SFMBT2: variants seen among roughly 807,000 people sequenced by gnomAD.
SFMBT2 encodes Scm like with four mbt domains 2.
A neutral mutation model predicts 110.1 loss-of-function variants in SFMBT2; 38 were observed. The observed-to-expected ratio is 0.35, with a 90% CI of 0.27 to 0.45. SFMBT2 has a LOEUF of 0.45. SFMBT2 is among the 20% of genes least tolerant of loss of function. The pLI is 1.00. For missense variants in SFMBT2, 1,011 were observed against 1,094.9 expected (o/e 0.92, Z 1.08); for synonymous variants, 425 against 425.4 (o/e 1.00, Z 0.01).
At chr10:7,297,789 A>G (rs1437036046) in intron 4 of SFMBT2, among the ~76,000 whole-genome samples, 1 of 152,236 alleles carries the variant, frequency 6.6e-6, no homozygotes, top group Non-Finnish European at 1.5e-5. Flanking sequence ...ATAAATTTTC[A>G]CTTCACGACG....
chr10:7,187,090 T>C (rs1168352857), intron 16 of SFMBT2, among the ~76,000 whole-genome samples: 2 of 152,244 alleles, frequency 1.3e-5, no homozygotes, highest in African/African-American at 2.4e-5. Context: ...TGAAAACTAG[T>C]GCAAACACTT....
At chr10:7,272,641 G>A (rs1442886060) in intron 7 of SFMBT2, among the ~76,000 whole-genome samples, 1 of 152,136 alleles carries the variant, frequency 6.6e-6, no homozygotes, top group Admixed American at 6.6e-5. Context: ...GTGGCTCCTG[G>A]AACGCTGGCA....
At chr10:7,411,357 A>C (rs896566831), upstream of SFMBT2, 2 of 151,992 alleles carry the variant, frequency 1.3e-5, no homozygotes, top group Non-Finnish European at 2.9e-5. Flanking sequence ...GATCTGCAGA[A>C]AGTTCCCATC....
intron 4 of SFMBT2, among the ~76,000 whole-genome samples, chr10:7,361,002 A>T (rs975542979): frequency 6.6e-6 from 1 of 152,222 alleles, no homozygotes; most frequent in African/African-American, 2.4e-5. Context: ...TTAATAAAAT[A>T]TCTAACTATG....
At chr10:7,280,423 A>G (rs1841917679) in intron 6 of SFMBT2, among the ~76,000 whole-genome samples, 1 of 152,226 alleles carries the variant, frequency 6.6e-6, no homozygotes, top group South Asian at 2.1e-4. Flanking sequence ...TTTGAAGGAA[A>G]AAAACAAGGG....
intron 4 of SFMBT2, among the ~76,000 whole-genome samples, chr10:7,286,604 T>G (rs750053735): frequency 2.0e-5 from 3 of 152,224 alleles, no homozygotes; most frequent in Non-Finnish European, 4.4e-5. Flanking sequence ...ATGTAACAAC[T>G]ATTTACATAG....
chr10:7,208,116 A>G (rs117049908), intron 11 of SFMBT2, among the ~76,000 whole-genome samples: 1,842 of 152,310 alleles, frequency 0.012, 25 homozygotes, highest in Non-Finnish European at 0.017. Context: ...AACAAGAAAG[A>G]ATATGTTCAA....
At chr10:7,359,834 T>C (rs1815091992) in intron 4 of SFMBT2, among the ~76,000 whole-genome samples, 2 of 152,218 alleles carry the variant, frequency 1.3e-5, no homozygotes, top group Admixed American at 6.5e-5. Context: ...ATATTCAGTC[T>C]GACCATTTTA....
At chr10:7,184,621 C>T (rs1838341669) in intron 16 of SFMBT2, among the ~76,000 whole-genome samples, 1 of 152,028 alleles carries the variant, frequency 6.6e-6, no homozygotes, top group African/African-American at 2.4e-5. Flanking sequence ...AAAAAGCCAA[C>T]ACTGGTGTAA....
At chr10:7,303,685 A>G (rs1440079947) in intron 4 of SFMBT2, among the ~76,000 whole-genome samples, 1 of 152,184 alleles carries the variant, frequency 6.6e-6, no homozygotes. Flanking sequence ...GAGATTTAAA[A>G]CCAGTCCGAA....
At chr10:7,258,429 T>C (rs1000728894) in intron 7 of SFMBT2, among the ~76,000 whole-genome samples, 1 of 152,214 alleles carries the variant, frequency 6.6e-6, no homozygotes, top group African/African-American at 2.4e-5. Flanking sequence ...TCTTTTAGTG[T>C]ATTGTACTTA....
At chr10:7,383,519 T>C (rs1845487315) in intron 1 of SFMBT2, among the ~76,000 whole-genome samples, 1 of 152,232 alleles carries the variant, frequency 6.6e-6, no homozygotes, top group Non-Finnish European at 1.5e-5. Context: ...TTTAACGTAC[T>C]ATACCAGACA....
rs1837508689 is a variant in SFMBT2, at chr10:7,160,005, AGGTGT to A, written c.*3760_*3764del. The A allele has an allele frequency of 6.6e-6, 1 of 152,238 alleles. No individual in the cohort carries two copies. Among genetic ancestry groups the A allele is most frequent in the African/African-American group, 2.4e-5 (1 of 41,458 alleles). The allele number at this position is 152,238 out of a possible 1,614,324, so 9.4% of individuals were successfully genotyped here. On this transcript the variant is annotated 3_prime_UTR_variant, in exon 21 of 21. Transcript: ENST00000397167. Reference sequence around the variant, plus strand: ...AACCTTCTAGAGAGGGCAGTGTTCAAGGTGTGGATCATTTTAATGTACTGAGGAAC... The same window carrying A: ...AACCTTCTAGAGAGGGCAGTGTTCAAGGATCATTTTAATGTACTGAGGAAC...
At chr10:7,297,660 G>T (rs1842440757) in intron 4 of SFMBT2, among the ~76,000 whole-genome samples, 1 of 152,086 alleles carries the variant, frequency 6.6e-6, no homozygotes, top group South Asian at 2.1e-4. Flanking sequence ...TAGTTGGAGA[G>T]ATTTTCCTTA....
chr10:7,349,290 C>T (rs571592218), intron 4 of SFMBT2, among the ~76,000 whole-genome samples: 4 of 152,232 alleles, frequency 2.6e-5, no homozygotes, highest in South Asian at 4.1e-4. Flanking sequence ...CCCAACTCTA[C>T]AGCCCCCAGG....
intron 4 of SFMBT2, among the ~76,000 whole-genome samples, chr10:7,351,454 G>C (rs946647413): frequency 3.9e-5 from 6 of 152,172 alleles, no homozygotes; most frequent in African/African-American, 1.4e-4. Flanking sequence ...TGTAAGGCAG[G>C]TCTCATTATC....
intron 7 of SFMBT2, among the ~76,000 whole-genome samples, chr10:7,264,677 G>A (rs370189370): frequency 1.3e-5 from 2 of 152,178 alleles, no homozygotes; most frequent in Admixed American, 6.5e-5. Context: ...CTGCCCAGCC[G>A]CACCTCACCC....
rs183685241 is a variant in SFMBT2, at chr10:7,322,721, C to A, written c.437-36767G>T. On this transcript the variant is annotated intron_variant, in intron 4 of 20. Coordinates refer to ENST00000397167, the MANE Select transcript of SFMBT2 (RefSeq NM_001387889.1). ...TGGGGAGGCGAATGGACAAAGGAAACCCTCATGTCTAGGAAAAGACACAAA... is the reference window on the plus strand; with the variant it reads ...TGGGGAGGCGAATGGACAAAGGAAAACCTCATGTCTAGGAAAAGACACAAA... 4.7e-3 allele frequency among the ~76,000 whole-genome samples: 717 copies of A among 152,156 alleles called. 1 individual carries two copies. The highest frequency in any genetic ancestry group is 7.5e-3 in the Non-Finnish European group (509 of 68,002).
intron 4 of SFMBT2, among the ~76,000 whole-genome samples, chr10:7,335,211 C>T (rs1438851373): frequency 1.3e-5 from 2 of 152,146 alleles, no homozygotes; most frequent in African/African-American, 4.8e-5. Flanking sequence ...CACTCCGGCC[C>T]ATGGTGATGG....
Sources: gnomAD v4.1 joint callset for allele counts (sites outside exome capture counted in the v4.1 genomes callset) on GRCh38, gnomAD v4.1.1 for gene constraint, MANE v1.5 for transcripts, NCBI Gene and HGNC (gene_info 2026-07-23, HGNC 2026-07-21) for gene names.